Variants in RANBP2 observed in about 807,000 individuals in gnomAD.
The protein encoded by RANBP2 is E3 SUMO-protein ligase RanBP2.
RANBP2 carries 57 observed loss-of-function variants against 303.6 expected under a neutral mutation model. That is an observed-to-expected ratio of 0.19 (90% CI 0.15 to 0.23). RANBP2 has a LOEUF of 0.23. RANBP2 is among the 10% of genes least tolerant of loss of function. RANBP2 has a pLI of 1.00. For synonymous variants in RANBP2, 1,167 were observed against 1,301.5 expected, an observed-to-expected ratio of 0.90 and a Z score of 2.23; for missense variants, 3,138 against 3,780.8, an observed-to-expected ratio of 0.83 and a Z score of 4.46.
the RANBP2 span, among the ~76,000 whole-genome samples, chr2:109,282,865 G>C: frequency 6.6e-6 from 1 of 152,132 alleles, no homozygotes; most frequent in Non-Finnish European, 1.5e-5. Context: ...GAGGAGAGGA[G>C]CTATGGATGG....
the RANBP2 span, among the ~76,000 whole-genome samples, chr2:109,428,436 C>G: frequency 1.3e-5 from 2 of 152,228 alleles, no homozygotes; most frequent in African/African-American, 4.8e-5. Flanking sequence ...CAGACACATG[C>G]CATGCCCAGC....
chr2:109,068,715 G>A, the RANBP2 span, among the ~76,000 whole-genome samples: 464 of 152,320 alleles, frequency 3.0e-3, 1 homozygote, highest in Non-Finnish European at 5.5e-3. Flanking sequence ...TATGAGCTGT[G>A]TAGCTCTGGG....
the RANBP2 span, among the ~76,000 whole-genome samples, chr2:109,607,330 T>C: frequency 1.3e-5 from 2 of 152,136 alleles, no homozygotes; most frequent in African/African-American, 4.8e-5. Context: ...TATTTAGTCT[T>C]AGACTGTTTT....
At chr2:108,810,597 C>A in the RANBP2 span, among the ~76,000 whole-genome samples, 1 of 152,130 alleles carries the variant, frequency 6.6e-6, no homozygotes, top group Non-Finnish European at 1.5e-5. Context: ...CATCTATGTT[C>A]ATCAGGAATA....
At chr2:109,440,901 C>T in the RANBP2 span, among the ~76,000 whole-genome samples, 2 of 152,050 alleles carry the variant, frequency 1.3e-5, no homozygotes, top group Non-Finnish European at 2.9e-5. Flanking sequence ...CTAACAGTGC[C>T]CAGAATACAC....
chr2:109,197,286 T>C, the RANBP2 span, among the ~76,000 whole-genome samples: 1 of 152,158 alleles, frequency 6.6e-6, no homozygotes, highest in Non-Finnish European at 1.5e-5. Flanking sequence ...TGGGATGCAC[T>C]TGGCCTCATT....
chr2:109,766,611 T>G, the RANBP2 span, among the ~76,000 whole-genome samples: 1 of 150,314 alleles, frequency 6.7e-6, no homozygotes. Flanking sequence ...AAGAATCTAT[T>G]TTGGGAGAAT....
At chr2:109,514,861 C>T in the RANBP2 span, among the ~76,000 whole-genome samples, 1 of 152,134 alleles carries the variant, frequency 6.6e-6, no homozygotes, top group Non-Finnish European at 1.5e-5. Flanking sequence ...CTCACTGCCT[C>T]CTCCTTTCCC....
At chr2:109,333,693 C>T in the RANBP2 span, among the ~76,000 whole-genome samples, 1 of 152,164 alleles carries the variant, frequency 6.6e-6, no homozygotes, top group Non-Finnish European at 1.5e-5. Context: ...AAGATAAGAG[C>T]ACAAATTCTG....
At chr2:109,449,162 G>A in the RANBP2 span, 24 of 1,612,330 alleles carry the variant, frequency 1.5e-5, no homozygotes, top group East Asian at 2.9e-4. Flanking sequence ...CTCCAACCCC[G>A]TCTCCAGCTG....
At chr2:109,129,052 G>C in the RANBP2 span, 2 of 393,710 alleles carry the variant, frequency 5.1e-6, no homozygotes, top group Admixed American at 6.2e-5. Context: ...TAGCGAGCAG[G>C]CCAGGGGCGC....
chr2:109,137,040 G>A, the RANBP2 span, among the ~76,000 whole-genome samples: 2 of 152,136 alleles, frequency 1.3e-5, no homozygotes, highest in African/African-American at 4.8e-5. Context: ...GGGGCTCCAG[G>A]GACAGCGATT....
chr2:109,013,520 T>C, the RANBP2 span, among the ~76,000 whole-genome samples: 1 of 152,026 alleles, frequency 6.6e-6, no homozygotes, highest in Non-Finnish European at 1.5e-5. Flanking sequence ...TCCGGTGACG[T>C]TGCAATAAAG....
At chr2:109,365,443 C>A in the RANBP2 span, among the ~76,000 whole-genome samples, 5 of 152,184 alleles carry the variant, frequency 3.3e-5, no homozygotes, top group Non-Finnish European at 7.3e-5. Context: ...ATTTGGGGGG[C>A]AGCAGTTTGC....
chr2:109,138,478 C>T, the RANBP2 span, among the ~76,000 whole-genome samples: 7 of 152,200 alleles, frequency 4.6e-5, no homozygotes, highest in Admixed American at 4.6e-4. Flanking sequence ...TAAAAATTAG[C>T]TTGGTGCTGC....
chr2:109,456,577 G>C, the RANBP2 span, among the ~76,000 whole-genome samples: 16 of 152,320 alleles, frequency 1.1e-4, no homozygotes, highest in South Asian at 2.3e-3. Context: ...TGGCCTGGAG[G>C]CTTCTCTTGT....
At chr2:109,566,828 T>C in the RANBP2 span, among the ~76,000 whole-genome samples, 3 of 152,114 alleles carry the variant, frequency 2.0e-5, no homozygotes, top group Admixed American at 6.6e-5. Flanking sequence ...CTGTCTGAAG[T>C]TGAGGATTAA....
In RANBP2 at chr2:108,763,795, C is replaced by A; in HGVS notation, c.3256C>A (p.Pro1086Thr). The change falls in exon 20 of 29, where the codon CCA (proline) becomes ACA (threonine). Residue 1086 changes from proline to threonine, a missense_variant. This residue lies in a region of RANBP2 where 403 missense variants were observed against 376.7 expected (regional missense o/e 1.07). Coordinates refer to ENST00000283195, the MANE Select transcript of RANBP2 (RefSeq NM_006267.5). ...LQGDGYSGAK[P>T]IPGGQTIGPR... ...AGGAGATGGCTATAGTGGAGCCAAA[C>A]CAATTCCTGGTGGTCAAACCATTGG... 1 of 1,614,090 alleles carries A rather than the reference C, an allele frequency of 6.2e-7. No individual in the cohort carries two copies. The highest frequency in any genetic ancestry group is 8.5e-7 in the Non-Finnish European group (1 of 1,179,992).
chr2:109,491,032 G>T, the RANBP2 span: 2 of 1,209,684 alleles, frequency 1.7e-6, no homozygotes, highest in Non-Finnish European at 2.2e-6. Context: ...TGGCCTTGCT[G>T]GGATTAGGTT....
Sources: gnomAD v4.1 joint callset for allele counts (sites outside exome capture counted in the v4.1 genomes callset) on GRCh38, gnomAD v4.1.1 for gene constraint, gnomAD v4.1.1 regional missense constraint, MANE v1.5 for transcripts, NCBI Gene and HGNC (gene_info 2026-07-23, HGNC 2026-07-21) for gene names.